Variants in SIPA1L2 observed in about 807,000 individuals in gnomAD.
SIPA1L2 encodes the protein signal-induced proliferation-associated 1-like protein 2.
In SIPA1L2, 56 loss-of-function variants were observed where a neutral mutation model predicts 163.9. The ratio of observed to expected loss-of-function variants is 0.34; its 90% CI spans 0.28 to 0.43. The LOEUF (loss-of-function observed/expected upper bound fraction) is 0.43, where lower values mean the gene tolerates loss of function less well. Among genes scored for constraint, SIPA1L2 ranks in the 20% least tolerant of loss-of-function variants. The probability of loss-of-function intolerance (pLI) is 1.00; values close to 1 mark genes in which losing one functional copy is unlikely to be tolerated. For synonymous variants in SIPA1L2, 877 were observed against 865.7 expected (o/e 1.01, Z -0.23); for missense variants, 1,974 against 2,193.5 (o/e 0.90, Z 2.00).
intron 2 of SIPA1L2, among the ~76,000 whole-genome samples, chr1:232,538,684 C>A (rs1294744651): frequency 1.5e-5 from 2 of 131,698 alleles, no homozygotes; most frequent in Non-Finnish European, 3.1e-5. Context: ...TGTTTTGTGA[C>A]CCCCCCTCCC....
intron 1 of SIPA1L2, among the ~76,000 whole-genome samples, chr1:232,597,066 C>T (rs10910568): frequency 0.026 from 3,922 of 152,200 alleles, 163 homozygotes; most frequent in African/African-American, 0.089. Flanking sequence ...ACTTTCCTTA[C>T]GGTTTTTAAC....
At chr1:232,480,822 C>T (rs1451809688) in intron 6 of SIPA1L2, among the ~76,000 whole-genome samples, 1 of 151,992 alleles carries the variant, frequency 6.6e-6, no homozygotes, top group Non-Finnish European at 1.5e-5. Flanking sequence ...TTTTTTTAAT[C>T]TAAAAATCTA....
chr1:232,599,687 C>A (rs1434408670), intron 1 of SIPA1L2, among the ~76,000 whole-genome samples: 1 of 152,140 alleles, frequency 6.6e-6, no homozygotes, highest in Non-Finnish European at 1.5e-5. Context: ...ATGCTTCCTA[C>A]TCCCCTGCTG....
intron 2 of SIPA1L2, among the ~76,000 whole-genome samples, chr1:232,543,837 C>T (rs1216337276): frequency 6.6e-6 from 1 of 152,174 alleles, no homozygotes; most frequent in Non-Finnish European, 1.5e-5. Context: ...CACTGCACTC[C>T]AGACTGGGTG....
intron 1 of SIPA1L2, among the ~76,000 whole-genome samples, chr1:232,577,975 AG>A (rs1660166868): frequency 6.6e-6 from 1 of 152,162 alleles, no homozygotes; most frequent in African/African-American, 2.4e-5. Context: ...CTTTCATGAA[AG>A]GAAGAGCCGA....
intron 2 of SIPA1L2, among the ~76,000 whole-genome samples, chr1:232,519,859 G>A (rs988467516): frequency 5.9e-5 from 9 of 152,220 alleles, no homozygotes; most frequent in African/African-American, 2.2e-4. Flanking sequence ...GCTTTCCTAA[G>A]TGAATAGTTA....
In SIPA1L2 at chr1:232,441,334, T is replaced by C; in HGVS notation, c.3599A>G (p.Gln1200Arg). The C allele has an allele frequency of 6.3e-7, 1 of 1,595,380 alleles. No homozygotes were observed. Among genetic ancestry groups the C allele is most frequent in the Admixed American group, 1.9e-5 (1 of 52,314 alleles). Residue 1200 changes from glutamine to arginine, a missense_variant, in exon 14 of 23, where the codon CAG becomes CGG. By Grantham distance (43) the Gln-to-Arg change is conservative. Transcript: ENST00000674635. Reference sequence around the variant, plus strand: ...GGAATCTTTGCAACTTCCATCTTTCTGCAGAGCTCTTTCTTTATAGGAACC... The same window carrying C: ...GGAATCTTTGCAACTTCCATCTTTCCGCAGAGCTCTTTCTTTATAGGAACC... ...VLGSYKERAL[Q>R]KDGSCKDSPN...
chr1:232,484,055 G>A (rs1665521129), intron 5 of SIPA1L2, 89 bp from the exon 6 acceptor site: 5 of 1,286,708 alleles, frequency 3.9e-6, no homozygotes, highest in Non-Finnish European at 5.3e-6. Flanking sequence ...GCTGAGAATT[G>A]TTCTAGGAAA....
chr1:232,469,149 A>G (rs2102941153), intron 8 of SIPA1L2, among the ~76,000 whole-genome samples: 1 of 152,332 alleles, frequency 6.6e-6, no homozygotes, highest in Admixed American at 6.5e-5. Flanking sequence ...TGTAAGGCCT[A>G]TGAATTGGCA....
At chr1:232,601,369 T>C (rs1169022727) in intron 1 of SIPA1L2, among the ~76,000 whole-genome samples, 1 of 152,234 alleles carries the variant, frequency 6.6e-6, no homozygotes, top group African/African-American at 2.4e-5. Flanking sequence ...TAACTCTTTC[T>C]GAAAACAGAC....
intron 1 of SIPA1L2, among the ~76,000 whole-genome samples, chr1:232,621,955 C>T (rs1008422633): frequency 1.3e-5 from 2 of 152,112 alleles, no homozygotes; most frequent in African/African-American, 2.4e-5. Context: ...GTCTCAAACT[C>T]CTGGGCTCAA....
intron 2 of SIPA1L2, among the ~76,000 whole-genome samples, chr1:232,550,075 A>G (rs1658285753): frequency 6.6e-6 from 1 of 152,232 alleles, no homozygotes; most frequent in Non-Finnish European, 1.5e-5. Context: ...GAATTTTTCT[A>G]AACTGTAACT....
At chr1:232,540,025 C>T (rs188789775) in intron 2 of SIPA1L2, among the ~76,000 whole-genome samples, 153 of 152,216 alleles carry the variant, frequency 1.0e-3, no homozygotes, top group Non-Finnish European at 1.3e-3. Flanking sequence ...AAATAAAGGC[C>T]GGGCACGGTG....
intron 3 of SIPA1L2, among the ~76,000 whole-genome samples, chr1:232,510,482 A>C (rs558651341): frequency 7.2e-5 from 11 of 152,266 alleles, no homozygotes; most frequent in African/African-American, 2.6e-4. Context: ...CCCACAATTC[A>C]CTGACAGGGT....
intron 3 of SIPA1L2, among the ~76,000 whole-genome samples, chr1:232,497,154 G>A (rs1014398421): frequency 2.6e-5 from 4 of 152,160 alleles, no homozygotes; most frequent in African/African-American, 4.8e-5. Flanking sequence ...TGGCTGCCAG[G>A]GGCTGGAAGG....
intron 19 of SIPA1L2, among the ~76,000 whole-genome samples, chr1:232,413,902 G>A (rs1661097245): frequency 6.6e-6 from 1 of 152,142 alleles, no homozygotes; most frequent in Non-Finnish European, 1.5e-5. Flanking sequence ...GAACACCCCA[G>A]GGAAAGAGAA....
intron 2 of SIPA1L2, among the ~76,000 whole-genome samples, chr1:232,527,725 C>CTTTTTTTTTTTTTTTTTTTT (rs57868657): frequency 3.7e-5 from 3 of 80,950 alleles, no homozygotes; most frequent in Non-Finnish European, 6.4e-5. Flanking sequence ...TCTTCTTCTT[C>CTTTTTTTTTTTTTTTTTTTT]TTTTTTTTTT....
intron 1 of SIPA1L2, among the ~76,000 whole-genome samples, chr1:232,625,104 T>C (rs779059312): frequency 1.3e-5 from 2 of 152,082 alleles, no homozygotes; most frequent in Non-Finnish European, 2.9e-5. Context: ...ACTTGGTCAG[T>C]AGAACCAGCA....
At chr1:232,399,776 C>A (rs1362039098) in intron 22 of SIPA1L2, among the ~76,000 whole-genome samples, 1 of 152,078 alleles carries the variant, frequency 6.6e-6, no homozygotes, top group Non-Finnish European at 1.5e-5. Context: ...TAAAAATAAT[C>A]AAGACTTTCA....
Sources: gnomAD v4.1 joint callset for allele counts (sites outside exome capture counted in the v4.1 genomes callset) on GRCh38, gnomAD v4.1.1 for gene constraint, MANE v1.5 for transcripts, NCBI Gene and HGNC (gene_info 2026-07-23, HGNC 2026-07-21) for gene names.